SORBS2: variants seen among roughly 807,000 people sequenced by gnomAD.
SORBS2 encodes sorbin and SH3 domain-containing protein 2.
In SORBS2, 46 loss-of-function variants were observed where a neutral mutation model predicts 97.7. The observed-to-expected ratio is 0.47, with a 90% confidence interval of 0.37 to 0.60. The LOEUF (loss-of-function observed/expected upper bound fraction) is 0.60, where lower values mean the gene tolerates loss of function less well. Ranked by LOEUF, SORBS2 falls within the 20% of genes least tolerant of loss-of-function variation. The pLI is 0.00. For synonymous variants in SORBS2, 476 were observed against 473.4 expected, an observed-to-expected ratio of 1.01 and a Z score of -0.07; for missense variants, 1,316 against 1,282.3, an observed-to-expected ratio of 1.03 and a Z score of -0.40.
At chr4:185,803,088 C>T (rs2099138138) in intron 1 of SORBS2, among the ~76,000 whole-genome samples, 1 of 152,142 alleles carries the variant, frequency 6.6e-6, no homozygotes, top group South Asian at 2.1e-4. Context: ...GGGCCAGAGT[C>T]CTTCTGGGTC....
chr4:185,656,544 C>T, intron 1 of SORBS2: 1 of 1,173,188 alleles, frequency 8.5e-7, no homozygotes, highest in Admixed American at 2.2e-5. Context: ...TGGCCACACC[C>T]CAGCTTTACA....
chr4:185,928,887 G>A (rs1260577163), intron 1 of SORBS2, among the ~76,000 whole-genome samples: 8 of 152,128 alleles, frequency 5.3e-5, no homozygotes, highest in African/African-American at 1.7e-4. Flanking sequence ...GATCATGCAG[G>A]TATCTTCAAA....
Position 185,676,958 on chromosome 4 carries a change from G to A in SORBS2, c.-46+1465C>T, listed in dbSNP as rs374470639. The stretch of plus-strand genomic sequence containing the variant: ...AAAGGAGTTAGGGTCTCTACGATAC[G>A]CATGTATTAATACGAAGAGACTGAG... On this transcript the variant is annotated intron_variant, in intron 4 of 20. Transcript: ENST00000284776. 3.6e-5 allele frequency: 54 copies of A among 1,510,120 alleles called. No individual in the cohort carries two copies. In the African/African-American group the frequency reaches 5.7e-4, roughly 16 times the overall value. The allele number at this position is 1,510,120 out of a possible 1,614,324, so 93.5% of individuals were successfully genotyped here.
intron 1 of SORBS2, among the ~76,000 whole-genome samples, chr4:185,918,840 A>T (rs2149911658): frequency 6.6e-6 from 1 of 152,360 alleles, no homozygotes; most frequent in East Asian, 1.9e-4. Context: ...GATGATGTAG[A>T]TGTTCATGAA....
At chr4:185,627,085 C>T (rs148382882) in intron 5 of SORBS2, 66 bp from the exon 18 acceptor site, 37 of 1,427,862 alleles carry the variant, frequency 2.6e-5, no homozygotes, top group East Asian at 1.8e-4. Context: ...CCAGAAAAAC[C>T]GGTGGAACGT....
intron 13 of SORBS2, among the ~76,000 whole-genome samples, chr4:185,592,434 C>T (rs773855961): frequency 4.6e-5 from 7 of 152,118 alleles, no homozygotes; most frequent in African/African-American, 7.2e-5. Context: ...TGCAATAAAC[C>T]TAAACAGCCC....
At chr4:185,637,258 C>T (rs12647585) in intron 4 of SORBS2, among the ~76,000 whole-genome samples, 32,103 of 152,224 alleles carry the variant, frequency 0.21, 3,585 homozygotes, top group Non-Finnish European at 0.25. Flanking sequence ...CAAATACCTA[C>T]CATTGCATTA....
intron 12 of SORBS2, among the ~76,000 whole-genome samples, chr4:185,597,686 G>T (rs1013233096): frequency 3.3e-5 from 5 of 152,128 alleles, no homozygotes; most frequent in Admixed American, 3.3e-4. Flanking sequence ...AGATTATCTG[G>T]GGAGACTGTC....
intron 2 of SORBS2, among the ~76,000 whole-genome samples, chr4:185,682,372 T>C (rs1312569524): frequency 6.6e-6 from 1 of 152,222 alleles, no homozygotes; most frequent in Non-Finnish European, 1.5e-5. Context: ...GTCTTGGTTT[T>C]GGCATAGGTT....
chr4:185,586,390 T>G (rs376564255), exon 15 of SORBS2: 12 of 152,770 alleles, frequency 7.9e-5, no homozygotes, highest in African/African-American at 1.2e-4. Context: ...GCCTAATTTA[T>G]TCCTAGGAAA....
intron 1 of SORBS2, among the ~76,000 whole-genome samples, chr4:185,948,510 ATTTTTTTT>A (rs34637572): frequency 1.0e-4 from 9 of 87,736 alleles, no homozygotes; most frequent in South Asian, 8.8e-4. Flanking sequence ...ATGAATTTCA[ATTTTTTTT>A]TTTTTTTTTT....
intron 1 of SORBS2, among the ~76,000 whole-genome samples, chr4:185,949,632 A>C (rs2099276221): frequency 6.6e-6 from 1 of 152,116 alleles, no homozygotes; most frequent in African/African-American, 2.4e-5. Context: ...GAATTTTAAC[A>C]ATCATAACTG....
At chr4:185,728,049 G>C (rs906475397) in intron 2 of SORBS2, among the ~76,000 whole-genome samples, 4 of 152,018 alleles carry the variant, frequency 2.6e-5, no homozygotes, top group African/African-American at 9.7e-5. Flanking sequence ...CTTTTGTGGT[G>C]ATTATTAGAA....
chr4:185,913,708 G>A (rs1375762019), intron 1 of SORBS2, among the ~76,000 whole-genome samples: 1 of 152,122 alleles, frequency 6.6e-6, no homozygotes, highest in East Asian at 1.9e-4. Context: ...GTCTCTCTTT[G>A]AGATTTTAAA....
chr4:185,799,340 A>C (rs1174535375), intron 1 of SORBS2, among the ~76,000 whole-genome samples: 2 of 152,234 alleles, frequency 1.3e-5, no homozygotes, highest in Admixed American at 1.3e-4. Flanking sequence ...CTGTTGTAAC[A>C]GCTACAGAGA....
Position 185,684,703 on chromosome 4 carries a change from A to G in SORBS2, c.-197-5881T>C. Reference sequence around the variant, plus strand: ...TACGTTTAGAACAAAAACAGTCAGAAGAGCTAGAAGCCATTCAAGTGCGAC... The same window carrying G: ...TACGTTTAGAACAAAAACAGTCAGAGGAGCTAGAAGCCATTCAAGTGCGAC... On this transcript the variant is annotated intron_variant, in intron 2 of 20. Coordinates refer to the SORBS2 transcript ENST00000284776. This position sits in a 1 kb window ranked among gnomAD's most constrained non-coding sequence, Gnocchi z 4.2. 4 of 1,249,034 alleles carry G rather than the reference A, an allele frequency of 3.2e-6. No homozygotes were observed. The highest frequency in any genetic ancestry group is 2.5e-5 in the East Asian group (1 of 39,228). The allele number at this position is 1,249,034 out of a possible 1,614,324, so 77.4% of individuals were successfully genotyped here.
At chr4:185,741,897 G>A (rs1244634325) in intron 2 of SORBS2, among the ~76,000 whole-genome samples, 2 of 152,082 alleles carry the variant, frequency 1.3e-5, no homozygotes, top group African/African-American at 2.4e-5. Flanking sequence ...CCCGCCCCAC[G>A]GGTCCTTCAC....
At chr4:185,707,330 C>T (rs2098359013) in intron 2 of SORBS2, among the ~76,000 whole-genome samples, 1 of 152,084 alleles carries the variant, frequency 6.6e-6, no homozygotes, top group South Asian at 2.1e-4. Context: ...TAATGTCTTT[C>T]TTGGATCTAA....
rs1201297275 is a variant in SORBS2 at position 185,835,561 on chromosome 4, G to T, written c.-337-60195C>A. On this transcript the variant is annotated intron_variant, in intron 1 of 20. Transcript: ENST00000284776. The stretch of plus-strand genomic sequence containing the variant: ...TGTGCTTACGTAAGTAAAAATTCCA[G>T]TGACAATTCATTTGCGCACTGTTCA... 2.0e-5 allele frequency among the ~76,000 whole-genome samples: 3 copies of T among 151,916 alleles called. No homozygotes were observed. The East Asian group carries it at 5.8e-4, about 29-fold the overall frequency.
Sources: gnomAD v4.1 joint callset for allele counts (sites outside exome capture counted in the v4.1 genomes callset) on GRCh38, gnomAD v4.1.1 for gene constraint, Gnocchi (gnomAD v3.1) non-coding constraint, MANE v1.5 for transcripts, NCBI Gene and HGNC (gene_info 2026-07-23, HGNC 2026-07-21) for gene names.